The following ATF7IP variants were observed in gnomAD, a reference collection of about 807,000 sequenced individuals.
The protein encoded by ATF7IP is activating transcription factor 7-interacting protein 1.
A neutral mutation model predicts 106.4 loss-of-function variants in ATF7IP; 23 were observed. The ratio of observed to expected loss-of-function variants is 0.22; its 90% CI spans 0.16 to 0.31. ATF7IP has a LOEUF of 0.31. Ranked by LOEUF, ATF7IP falls within the 10% of genes least tolerant of loss-of-function variation. The pLI, the probability that ATF7IP is intolerant of heterozygous loss-of-function variation, is 1.00. For missense variants in ATF7IP, 1,334 were observed against 1,524.3 expected, an observed-to-expected ratio of 0.88 and a Z score of 2.08; for synonymous variants, 542 against 539.0, an observed-to-expected ratio of 1.01 and a Z score of -0.08.
intron 13 of ATF7IP, among the ~76,000 whole-genome samples, chr12:14,485,174 G>C (rs1296315377): frequency 2.6e-5 from 4 of 152,080 alleles, no homozygotes; most frequent in Non-Finnish European, 4.4e-5. Context: ...TCAGTAGCAT[G>C]GACCTGTTGC....
chr12:14,495,307 A>T (rs1944980612), intron 13 of ATF7IP, among the ~76,000 whole-genome samples: 1 of 152,210 alleles, frequency 6.6e-6, no homozygotes. Context: ...ACCATCACAC[A>T]TATGTTGTAG....
At chr12:14,471,836 A>G (rs1161802708) in intron 10 of ATF7IP, among the ~76,000 whole-genome samples, 2 of 151,930 alleles carry the variant, frequency 1.3e-5, no homozygotes, top group East Asian at 1.9e-4. Context: ...TCAAGATGAC[A>G]TTTGGGTGGA....
chr12:14,462,192 A>G (rs76202044), intron 9 of ATF7IP, among the ~76,000 whole-genome samples: 2,546 of 152,176 alleles, frequency 0.017, 68 homozygotes, highest in African/African-American at 0.058. Context: ...ATTATTATTT[A>G]TAGTATTTAC....
At chr12:14,411,278 C>A (rs538557095) in intron 1 of ATF7IP, among the ~76,000 whole-genome samples, 78 of 152,084 alleles carry the variant, frequency 5.1e-4, no homozygotes, top group African/African-American at 1.9e-3. Flanking sequence ...CATATCATTG[C>A]CAATACTCAT....
intron 1 of ATF7IP, among the ~76,000 whole-genome samples, chr12:14,375,158 A>G (rs1938686647): frequency 6.6e-6 from 1 of 151,958 alleles, no homozygotes; most frequent in South Asian, 2.1e-4. Flanking sequence ...AAAAGGGAAT[A>G]AGATATTCTA....
chr12:14,398,902 T>C (rs1940022846), intron 1 of ATF7IP, among the ~76,000 whole-genome samples: 3 of 152,120 alleles, frequency 2.0e-5, no homozygotes, highest in African/African-American at 7.2e-5. Context: ...CTCTAAGGTA[T>C]GTCTCGTTTA....
Position 14,447,062 on chromosome 12 carries a change from T to C in ATF7IP, c.1995+9T>C, listed in dbSNP as rs1942997846. On this transcript the variant is annotated intron_variant, in intron 6 of 14. Transcript: ENST00000261168. ...TTAAGAAAAGACATGAAGTAAAATT[T>C]TTCTATTCTTGCATAATTAATATTT... 1 of 1,587,576 alleles carries C rather than the reference T, an allele frequency of 6.3e-7. No homozygotes were observed. Among genetic ancestry groups the C allele is most frequent in the Admixed American group, 1.8e-5 (1 of 55,332 alleles).
At chr12:14,388,555 TAG>T (rs964419205) in intron 1 of ATF7IP, among the ~76,000 whole-genome samples, 1 of 152,078 alleles carries the variant, frequency 6.6e-6, no homozygotes. Flanking sequence ...TTATGTTGGC[TAG>T]GCTGGTCTTG....
chr12:14,404,475 T>A (rs1940443191), intron 1 of ATF7IP, among the ~76,000 whole-genome samples: 1 of 152,204 alleles, frequency 6.6e-6, no homozygotes, highest in Admixed American at 6.5e-5. Flanking sequence ...TTTATTAAAA[T>A]GTTATCAGCA....
intron 13 of ATF7IP, among the ~76,000 whole-genome samples, chr12:14,486,541 T>C (rs2136834690): frequency 6.6e-6 from 1 of 152,326 alleles, no homozygotes; most frequent in African/African-American, 2.4e-5. Flanking sequence ...CTTTTTATTA[T>C]TCAATTTAGT....
intron 13 of ATF7IP, among the ~76,000 whole-genome samples, chr12:14,490,286 G>A (rs1285858964): frequency 6.6e-6 from 1 of 152,182 alleles, no homozygotes; most frequent in African/African-American, 2.4e-5. Flanking sequence ...TTACCCATTG[G>A]TGAGCATTCA....
intron 11 of ATF7IP, 102 bp downstream of exon 11, chr12:14,476,070 T>A: frequency 1.2e-6 from 1 of 868,686 alleles, no homozygotes. Flanking sequence ...GCATTATGCT[T>A]GGTTTATTTG....
intron 10 of ATF7IP, among the ~76,000 whole-genome samples, chr12:14,470,437 G>T (rs1384124285): frequency 7.2e-5 from 11 of 152,060 alleles, no homozygotes; most frequent in Non-Finnish European, 1.6e-4. Flanking sequence ...ACATAAACGT[G>T]TTTCTGATTA....
intron 1 of ATF7IP, among the ~76,000 whole-genome samples, chr12:14,400,077 T>C (rs1034155207): frequency 6.6e-6 from 1 of 152,218 alleles, no homozygotes; most frequent in African/African-American, 2.4e-5. Flanking sequence ...GAATGTCTGA[T>C]GAACTTAACT....
chr12:14,424,979 A>G lies in ATF7IP; in HGVS notation c.1064A>G (p.Asp355Gly), dbSNP rs372164415. ...IDANEETLET[D>G]DTTICSDRPP... ...GCTAATGAAGAAACTCTAGAAACAG[A>G]TGATACAACTATTTGTTCAGATCGA... Residue 355 changes from aspartate (D) to glycine (G), a missense_variant, in exon 2 of 15, where the codon GAT (aspartate) becomes GGT (glycine). Asp to Gly is a moderately conservative substitution (Grantham distance 94). This residue lies in a region of ATF7IP where 438 missense variants were observed against 405.3 expected (regional missense o/e 1.08). Transcript: ENST00000261168. 1.2e-6 allele frequency: 2 copies of G among 1,610,444 alleles called. No individual in the cohort carries two copies. Among genetic ancestry groups the G allele is most frequent in the Non-Finnish European group, 1.7e-6 (2 of 1,179,170 alleles).
chr12:14,410,075 G>A (rs1019134105), intron 1 of ATF7IP, among the ~76,000 whole-genome samples: 1 of 151,918 alleles, frequency 6.6e-6, no homozygotes, highest in African/African-American at 2.4e-5. Context: ...GCAGCCAACC[G>A]TTATTTCCTC....
At chr12:14,458,451 A>G (rs1016929960) in intron 8 of ATF7IP, among the ~76,000 whole-genome samples, 1 of 152,248 alleles carries the variant, frequency 6.6e-6, no homozygotes, top group African/African-American at 2.4e-5. Context: ...AATACTATCC[A>G]GTAGTAGTTT....
chr12:14,454,181 G>A (rs2136693119), intron 6 of ATF7IP, among the ~76,000 whole-genome samples: 1 of 152,110 alleles, frequency 6.6e-6, no homozygotes, highest in South Asian at 2.1e-4. Context: ...CCTTTTTTTG[G>A]CTATGTGTCT....
rs1337806719 is a variant in ATF7IP, at chr12:14,499,815, A to C, written c.*1742A>C. ...CTCCATCCTGGGAGACAAGAGCGAAACTCTGCCTCAAAAAAAAAAGAATTT... is the reference window on the plus strand; with the variant it reads ...CTCCATCCTGGGAGACAAGAGCGAACCTCTGCCTCAAAAAAAAAAGAATTT... On this transcript the variant is annotated 3_prime_UTR_variant, in exon 15 of 15. Transcript: ENST00000261168. The C allele has an allele frequency of 6.6e-6, 1 of 151,064 alleles. No homozygotes were observed. The highest frequency in any genetic ancestry group is 1.5e-5 in the Non-Finnish European group (1 of 68,010). 9.4% of individuals were successfully genotyped at this position (151,064 alleles called of 1,614,324 possible). A position where few individuals can be genotyped will look rare whatever the true frequency, so the allele number is the denominator to read the frequency against.
Sources: gnomAD v4.1 joint callset for allele counts (sites outside exome capture counted in the v4.1 genomes callset) on GRCh38, gnomAD v4.1.1 for gene constraint, gnomAD v4.1.1 regional missense constraint, MANE v1.5 for transcripts, NCBI Gene and HGNC (gene_info 2026-07-23, HGNC 2026-07-21) for gene names.